Variants in PDE8B observed in about 807,000 individuals in gnomAD.
PDE8B encodes the protein phosphodiesterase 8B.
PDE8B carries 26 observed loss-of-function variants against 101.3 expected under a neutral mutation model. The observed-to-expected ratio is 0.26, with a 90% CI of 0.19 to 0.36. The LOEUF (loss-of-function observed/expected upper bound fraction) is 0.36, where lower values mean the gene tolerates loss of function less well. PDE8B is among the 10% of genes least tolerant of loss of function. The pLI, the probability that PDE8B is intolerant of heterozygous loss-of-function variation, is 1.00. For synonymous variants in PDE8B, 424 were observed against 429.3 expected, an observed-to-expected ratio of 0.99 and a Z score of 0.15; for missense variants, 810 against 1,163.1, an observed-to-expected ratio of 0.70 and a Z score of 4.42.
At chr5:77,195,480 T>G in the PDE8B span, among the ~76,000 whole-genome samples, 5 of 152,170 alleles carry the variant, frequency 3.3e-5, no homozygotes, top group African/African-American at 1.2e-4. Context: ...ATAGCCATCC[T>G]AGCAGATTTG....
chr5:77,326,015 C>T (rs1775987669), intron 3 of PDE8B, among the ~76,000 whole-genome samples: 1 of 152,170 alleles, frequency 6.6e-6, no homozygotes, highest in African/African-American at 2.4e-5. Context: ...TCATAAAAAA[C>T]ATTAAAATTC....
intron 1 of PDE8B, among the ~76,000 whole-genome samples, chr5:77,274,427 T>G (rs1027803125): frequency 1.3e-5 from 2 of 152,308 alleles, no homozygotes; most frequent in African/African-American, 4.8e-5. Flanking sequence ...GACTGACATA[T>G]TCATTCATTC....
At chr5:77,218,976 A>G (rs567776270) in intron 1 of PDE8B, among the ~76,000 whole-genome samples, 8 of 152,350 alleles carry the variant, frequency 5.3e-5, no homozygotes, top group African/African-American at 1.9e-4. Flanking sequence ...AAAGCCTTGC[A>G]AACTGCTGCC....
intron 1 of PDE8B, among the ~76,000 whole-genome samples, chr5:77,239,753 T>G (rs1298265147): frequency 2.6e-5 from 4 of 152,212 alleles, no homozygotes; most frequent in Non-Finnish European, 5.9e-5. Context: ...TTAGCTGTAT[T>G]GTAAGATCTT....
At chr5:77,271,053 G>T (rs1462510093) in intron 1 of PDE8B, among the ~76,000 whole-genome samples, 1 of 152,214 alleles carries the variant, frequency 6.6e-6, no homozygotes, top group Non-Finnish European at 1.5e-5. Context: ...CTCCCAAGGG[G>T]ATGTGCTATA....
At chr5:77,176,371 A>G in the PDE8B span, among the ~76,000 whole-genome samples, 1 of 152,220 alleles carries the variant, frequency 6.6e-6, no homozygotes, top group Non-Finnish European at 1.5e-5. Flanking sequence ...TTTTAGAGGC[A>G]CAAAGAGTTA....
At chr5:77,175,399 G>A in the PDE8B span, among the ~76,000 whole-genome samples, 1 of 152,194 alleles carries the variant, frequency 6.6e-6, no homozygotes, top group Non-Finnish European at 1.5e-5. Context: ...CCTGCCTTAA[G>A]GATTTTGCAT....
rs1257374359 is a variant in PDE8B at position 77,411,292 on chromosome 5, CAATT to C, written c.1531-381_1531-378del. ...CTCTTCAAAATGTAAGTCAAAAACA[CAATT>C]AACACAGTCCCTCTGAGGGTGAGGG... On this transcript the variant is annotated intron_variant, in intron 14 of 21. Transcript: ENST00000264917. Among the ~76,000 whole-genome samples, 168 of 152,264 alleles carry C rather than the reference CAATT, an allele frequency of 1.1e-3. 3 individuals carry two copies. The highest frequency in any genetic ancestry group is 2.8e-4 in the Non-Finnish European group (19 of 67,998).
chr5:77,394,764 C>G (rs184698690), intron 10 of PDE8B, among the ~76,000 whole-genome samples: 1 of 152,250 alleles, frequency 6.6e-6, no homozygotes, highest in East Asian at 1.9e-4. Flanking sequence ...TCAGCCCTTA[C>G]ATTTTTATGT....
At chr5:77,151,714 C>T in the PDE8B span, among the ~76,000 whole-genome samples, 1 of 152,194 alleles carries the variant, frequency 6.6e-6, no homozygotes, top group African/African-American at 2.4e-5. Flanking sequence ...AAAAGATACC[C>T]TTCTCACTCC....
At chr5:77,125,516 C>A in the PDE8B span, among the ~76,000 whole-genome samples, 1 of 152,184 alleles carries the variant, frequency 6.6e-6, no homozygotes, top group South Asian at 2.1e-4. Context: ...TGTACACCAA[C>A]GTCCACGGAA....
At chr5:77,380,360 G>C (rs1787217139) in intron 10 of PDE8B, among the ~76,000 whole-genome samples, 2 of 152,190 alleles carry the variant, frequency 1.3e-5, no homozygotes, top group African/African-American at 4.8e-5. Flanking sequence ...GACTCTGTCA[G>C]AAGCTCAAGG....
chr5:77,143,576 A>G, the PDE8B span, among the ~76,000 whole-genome samples: 1 of 152,246 alleles, frequency 6.6e-6, no homozygotes, highest in Non-Finnish European at 1.5e-5. Flanking sequence ...GAGCCAGGGG[A>G]GACAAAGTAA....
the PDE8B span, among the ~76,000 whole-genome samples, chr5:77,199,802 A>C: frequency 1.3e-5 from 2 of 152,212 alleles, no homozygotes; most frequent in African/African-American, 4.8e-5. Flanking sequence ...AAACATGTAA[A>C]GTATAAGACT....
At chr5:77,174,598 G>A in the PDE8B span, among the ~76,000 whole-genome samples, 82,152 of 151,922 alleles carry the variant, frequency 0.54, 23,314 homozygotes, top group African/African-American at 0.71. Flanking sequence ...CTAGCTCTTC[G>A]TGTCAGTGAA....
At chr5:77,177,743 C>T in the PDE8B span, among the ~76,000 whole-genome samples, 3 of 152,268 alleles carry the variant, frequency 2.0e-5, no homozygotes, top group Non-Finnish European at 4.4e-5. Flanking sequence ...CAGTGACTCA[C>T]GGGGGATGTG....
At chr5:77,225,774 C>G (rs951512828) in intron 1 of PDE8B, among the ~76,000 whole-genome samples, 1 of 152,024 alleles carries the variant, frequency 6.6e-6, no homozygotes, top group African/African-American at 2.4e-5. Context: ...TCTATTTCCT[C>G]TTTCCCATGA....
At chr5:77,088,142 C>G in the PDE8B span, 2 of 152,194 alleles carry the variant, frequency 1.3e-5, no homozygotes, top group African/African-American at 4.8e-5. Flanking sequence ...GGTTGTGGCT[C>G]GTGTGTTCGG....
intron 6 of PDE8B, 67 bp from the exon 7 acceptor site, chr5:77,344,786 T>G (rs1000013652): frequency 9.7e-7 from 1 of 1,035,168 alleles, no homozygotes; most frequent in Admixed American, 1.7e-5. Flanking sequence ...TTTACTTTGT[T>G]AAATTAACAG....
Sources: allele counts gnomAD v4.1 joint callset (sites outside exome capture counted in the v4.1 genomes callset), GRCh38; gene constraint gnomAD v4.1.1; transcripts MANE v1.5; gene names NCBI Gene and HGNC (gene_info 2026-07-23, HGNC 2026-07-21).